Variants in ZNF445 observed in about 807,000 individuals in gnomAD.
The protein encoded by ZNF445 is zinc finger protein 168.
Under a neutral mutation model 93.9 loss-of-function variants are expected in ZNF445, and 19 were observed. That is an observed-to-expected ratio of 0.20 (90% CI 0.14 to 0.30). The LOEUF is 0.30. Ranked by LOEUF, ZNF445 falls within the 10% of genes least tolerant of loss-of-function variation. ZNF445 has a pLI of 1.00. For missense variants in ZNF445, 1,058 were observed against 1,259.4 expected (o/e 0.84, Z 2.42); for synonymous variants, 449 against 446.3 (o/e 1.01, Z -0.08).
intron 1 of ZNF445, among the ~76,000 whole-genome samples, chr3:44,469,625 C>G (rs1698238681): frequency 6.6e-6 from 1 of 151,910 alleles, no homozygotes; most frequent in African/African-American, 2.4e-5. Context: ...AAAAATTAGC[C>G]AGGCGTGGAG....
chr3:44,453,243 A>G (rs1338678410), intron 3 of ZNF445, among the ~76,000 whole-genome samples: 1 of 152,046 alleles, frequency 6.6e-6, no homozygotes, highest in Admixed American at 6.6e-5. Context: ...TTATGTGTGC[A>G]GAATCATATA....
At chr3:44,464,659 TG>T (rs1043100620) in intron 1 of ZNF445, among the ~76,000 whole-genome samples, 14 of 152,190 alleles carry the variant, frequency 9.2e-5, no homozygotes, top group Admixed American at 3.9e-4. Flanking sequence ...TTCTGAGAAT[TG>T]TTCAATTTAC....
chr3:44,457,759 T>C (rs1186367881), intron 2 of ZNF445, among the ~76,000 whole-genome samples: 1 of 152,088 alleles, frequency 6.6e-6, no homozygotes, highest in African/African-American at 2.4e-5. Context: ...TCCTAGCACT[T>C]TGGGAGGCCT....
Position 44,431,930 on chromosome 3 carries a change from T to G in ZNF445, c.*14645A>C, listed in dbSNP as rs1239636701. The G allele has an allele frequency of 6.6e-6, 1 of 152,196 alleles. No homozygotes were observed. Among genetic ancestry groups the G allele is most frequent in the African/African-American group, 2.4e-5 (1 of 41,438 alleles). 9.4% of individuals were successfully genotyped at this position (152,196 alleles called of 1,614,324 possible). ...GAAATTTATTTTTTATTTTTTATTT[T>G]TTTGAGACAGGGTCGCTCTGTCTTC... On this transcript the variant is annotated 3_prime_UTR_variant, in exon 8 of 8. Transcript: ENST00000396077.
intron 1 of ZNF445, among the ~76,000 whole-genome samples, chr3:44,471,934 A>G (rs897013858): frequency 6.6e-6 from 1 of 152,176 alleles, no homozygotes; most frequent in Admixed American, 6.5e-5. Flanking sequence ...TCGAAGACTG[A>G]GAAGCAGTGG....
intron 1 of ZNF445, among the ~76,000 whole-genome samples, chr3:44,458,639 T>C (rs1698064890): frequency 1.3e-5 from 2 of 152,104 alleles, no homozygotes; most frequent in South Asian, 2.1e-4. Context: ...TATTGGTGCG[T>C]TTTAGGCCTC....
Position 44,448,753 on chromosome 3 carries a change from T to A in ZNF445, c.932-14A>T. On this transcript the variant is annotated splice_polypyrimidine_tract_variant and intron_variant, in intron 7 of 7. Transcript: ENST00000396077. ...GGAGGTCATCTCCTGACAAAAAATA[T>A]AACACAAGAGAATGTACTCTTTTCC... is the stretch of plus-strand genomic sequence containing the variant. The A allele has an allele frequency of 6.2e-7, 1 of 1,601,616 alleles. No individual in the cohort carries two copies. Among genetic ancestry groups the A allele is most frequent in the East Asian group, 2.2e-5 (1 of 44,702 alleles).
rs1400656033 is a variant in ZNF445 at position 44,435,347 on chromosome 3, C to T, written c.*11228G>A. On this transcript the variant is annotated 3_prime_UTR_variant, in exon 8 of 8. Transcript: ENST00000396077. ...ATTGATTTACTGTGTGAGAACAGAA[C>T]AAACCTGGGCCTGGCTCAGTAACAA... The T allele has an allele frequency of 2.0e-5, 3 of 152,214 alleles. No individual in the cohort carries two copies. The highest frequency in any genetic ancestry group is 6.5e-5 in the Admixed American group (1 of 15,282). The allele number at this position is 152,214 out of a possible 1,614,324, so 9.4% of individuals were successfully genotyped here. A position where few individuals can be genotyped will look rare whatever the true frequency, so the allele number is the denominator to read the frequency against.
chr3:44,457,445 AATT>A (rs1018662317), intron 2 of ZNF445, among the ~76,000 whole-genome samples: 11 of 151,868 alleles, frequency 7.2e-5, no homozygotes, highest in Admixed American at 6.6e-4. Context: ...ATAATTTAAA[AATT>A]ATTTTTAGAG....
In ZNF445 at chr3:44,433,217, G is replaced by A. The variant is rs541922755; in HGVS notation, c.*13358C>T. ...CAACGTCCGCCTCCCAGGTTCAAAC[G>A]ATTCTCCTGTCTCAGCCTCCCCAGT... On this transcript the variant is annotated 3_prime_UTR_variant, in exon 8 of 8. Transcript: ENST00000396077. 2.6e-5 allele frequency: 4 copies of A among 151,412 alleles called. No individual in the cohort carries two copies. The highest frequency in any genetic ancestry group is 7.3e-5 in the African/African-American group (3 of 41,178). The allele number at this position is 151,412 out of a possible 1,614,324, so 9.4% of individuals were successfully genotyped here.
rs1005676974 is a variant in ZNF445 at position 44,434,386 on chromosome 3, TAC to T, written c.*12187_*12188del. The T allele has an allele frequency of 1.3e-5, 2 of 151,472 alleles. No homozygotes were observed. The highest frequency in any genetic ancestry group is 2.9e-5 in the Non-Finnish European group (2 of 67,934). 9.4% of individuals were successfully genotyped at this position (151,472 alleles called of 1,614,324 possible). On this transcript the variant is annotated 3_prime_UTR_variant, in exon 8 of 8. Coordinates refer to ENST00000396077, the MANE Select transcript of ZNF445 (RefSeq NM_181489.6). The stretch of plus-strand genomic sequence containing the variant: ...AGATTGCCTCCACTCCAGCTCGAGC[TAC>T]AGAGTGAGACTCTGTCTCAAAAAAG...
intron 7 of ZNF445, among the ~76,000 whole-genome samples, 171 bp downstream of exon 7, chr3:44,449,342 G>A (rs1001060626): frequency 4.6e-5 from 7 of 152,174 alleles, no homozygotes; most frequent in South Asian, 2.1e-4. Context: ...ATGACCTCTC[G>A]GAGGCCAGCC....
At chr3:44,459,257 G>A (rs1360633329) in intron 1 of ZNF445, among the ~76,000 whole-genome samples, 1 of 152,118 alleles carries the variant, frequency 6.6e-6, no homozygotes, top group Non-Finnish European at 1.5e-5. Context: ...GTGTTTCCCT[G>A]AGTTTTGTGA....
At chr3:44,469,999 C>T (rs1698244869) in intron 1 of ZNF445, among the ~76,000 whole-genome samples, 1 of 152,128 alleles carries the variant, frequency 6.6e-6, no homozygotes, top group Non-Finnish European at 1.5e-5. Flanking sequence ...ACGATCACAG[C>T]TCACTGCAGC....
rs983967635 is a variant in ZNF445 at position 44,443,287 on chromosome 3, C to T, written c.*3288G>A. On this transcript the variant is annotated 3_prime_UTR_variant, in exon 8 of 8. Transcript: ENST00000396077. ...AAGTAGTCAGGCTTCTACTTTTTTTCCTTTCAGCTAATCTGAATTCATTAA... is the reference window on the plus strand; with the variant it reads ...AAGTAGTCAGGCTTCTACTTTTTTTTCTTTCAGCTAATCTGAATTCATTAA... 1 of 152,042 alleles carries T rather than the reference C, an allele frequency of 6.6e-6. No individual in the cohort carries two copies. Among genetic ancestry groups the T allele is most frequent in the South Asian group, 2.1e-4 (1 of 4,828 alleles). 9.4% of individuals were successfully genotyped at this position (152,042 alleles called of 1,614,324 possible).
In ZNF445 at chr3:44,455,446, T is replaced by C. The variant is rs769475422; in HGVS notation, c.104A>G (p.Tyr35Cys). 19 of 1,614,082 alleles carry C rather than the reference T, an allele frequency of 1.2e-5. No homozygotes were observed. In the East Asian group the frequency reaches 2.4e-4, roughly 21 times the overall value. ...TVKKEEEDES[Y>C]TPVQAARPQT... ...TGGCCTGGCAGCCTGCACTGGAGTA[T>C]AGCTTTCATCCTCTTCTTCCTTCTT... The change falls in exon 3 of 8, where the codon TAT becomes TGT. Residue 35 changes from tyrosine to cysteine, a missense_variant. Around this residue, in one of 3 missense-constraint regions of ZNF445, gnomAD observed 657 missense variants for 746.4 expected, o/e 0.88. Coordinates refer to ENST00000396077, the MANE Select transcript of ZNF445 (RefSeq NM_181489.6).
At chr3:44,471,533 G>A (rs1171458236) in intron 1 of ZNF445, among the ~76,000 whole-genome samples, 1 of 152,142 alleles carries the variant, frequency 6.6e-6, no homozygotes, top group Non-Finnish European at 1.5e-5. Context: ...AAATGTAAAA[G>A]GAGTGACACT....
At chr3:44,452,434 C>T (rs984612644) in intron 3 of ZNF445, among the ~76,000 whole-genome samples, 4 of 151,676 alleles carry the variant, frequency 2.6e-5, no homozygotes, top group Non-Finnish European at 5.9e-5. Context: ...GTTTTTCACA[C>T]TGTGATAATT....
chr3:44,475,608 T>C (rs1030969314), intron 1 of ZNF445, among the ~76,000 whole-genome samples: 1 of 152,246 alleles, frequency 6.6e-6, no homozygotes, highest in African/African-American at 2.4e-5. Context: ...TTGTCATATA[T>C]TTATTGAGAA....
Sources: gnomAD v4.1 joint callset for allele counts (sites outside exome capture counted in the v4.1 genomes callset) on GRCh38, gnomAD v4.1.1 for gene constraint, gnomAD v4.1.1 regional missense constraint, MANE v1.5 for transcripts, NCBI Gene and HGNC (gene_info 2026-07-23, HGNC 2026-07-21) for gene names.